GNG7: variants seen among roughly 807,000 people sequenced by gnomAD.
GNG7 encodes the protein G protein subunit gamma 7.
In GNG7, 1 loss-of-function variant was observed where a neutral mutation model predicts 4.0. The ratio of observed to expected loss-of-function variants is 0.25; its 90% CI spans 0.09 to 1.18. The LOEUF is 1.18. Among genes scored for constraint, GNG7 ranks in the 50% most tolerant of loss-of-function variants. The probability of loss-of-function intolerance (pLI) is 0.50; values close to 1 mark genes in which losing one functional copy is unlikely to be tolerated. For missense variants in GNG7, 86 were observed against 91.9 expected, an observed-to-expected ratio of 0.94 and a Z score of 0.26; for synonymous variants, 34 against 36.9, an observed-to-expected ratio of 0.92 and a Z score of 0.29.
At chr19:2,596,029 C>T (rs983390926) in intron 2 of GNG7, among the ~76,000 whole-genome samples, 42 of 152,012 alleles carry the variant, frequency 2.8e-4, no homozygotes, top group Non-Finnish European at 1.5e-4. Flanking sequence ...GGAAGCAACG[C>T]TTACGAAAAC....
chr19:2,668,204 A>C (rs1176252756), intron 1 of GNG7, among the ~76,000 whole-genome samples: 1 of 144,186 alleles, frequency 6.9e-6, no homozygotes, highest in South Asian at 2.3e-4. Flanking sequence ...AAACTATTCT[A>C]AAATGAAAAG....
intron 2 of GNG7, among the ~76,000 whole-genome samples, chr19:2,593,469 C>T (rs1160448744): frequency 7.9e-5 from 12 of 152,070 alleles, no homozygotes; most frequent in East Asian, 3.8e-4. Flanking sequence ...TAGGACTGGG[C>T]GTGGTGGCTC....
At chr19:2,612,686 ATTTTTTTTTTTTTTTGAGAAATT>A (rs1274467125) in intron 2 of GNG7, among the ~76,000 whole-genome samples, 8 of 135,902 alleles carry the variant, frequency 5.9e-5, no homozygotes, top group African/African-American at 2.3e-4. Flanking sequence ...ACAGCTTAGA[ATTTTTTTTTTTTTTTGAGAAATT>A]TTTTTTTTTT....
At chr19:2,684,849 C>T (rs1983832021) in intron 1 of GNG7, among the ~76,000 whole-genome samples, 1 of 152,124 alleles carries the variant, frequency 6.6e-6, no homozygotes, top group Admixed American at 6.5e-5. Context: ...ATTGGACGGG[C>T]GCAGTGGCTC....
intron 1 of GNG7, among the ~76,000 whole-genome samples, chr19:2,684,215 C>T (rs1189822704): frequency 3.3e-5 from 5 of 150,344 alleles, no homozygotes; most frequent in Non-Finnish European, 7.4e-5. Flanking sequence ...CGGCTCACTG[C>T]AAGCTCCTCC....
chr19:2,585,826 G>A (rs1170845858), intron 2 of GNG7, among the ~76,000 whole-genome samples: 6 of 151,868 alleles, frequency 4.0e-5, no homozygotes, highest in East Asian at 1.9e-4. Context: ...TCAGCCTCCC[G>A]AGTAGCTGGG....
Position 2,620,332 on chromosome 19 carries a change from G to A in GNG7, c.-78+25892C>T, listed in dbSNP as rs149215698. On this transcript the variant is annotated intron_variant, in intron 2 of 4. Transcript: ENST00000382159. ...CACCCTGGCTACAGGCCGTCGTCCC[G>A]ACCCCTCTCTCTGCAGGCAGGTCAC... 5.6e-4 allele frequency among the ~76,000 whole-genome samples: 84 copies of A among 150,630 alleles called. 1 individual carries two copies. Among genetic ancestry groups the A allele is most frequent in the African/African-American group, 1.8e-3 (75 of 40,832 alleles).
At chr19:2,550,476 C>T (rs1599385184) in intron 3 of GNG7, among the ~76,000 whole-genome samples, 1 of 152,212 alleles carries the variant, frequency 6.6e-6, no homozygotes, top group East Asian at 1.9e-4. Flanking sequence ...TCTCCGCCCA[C>T]CTCAGCCTCC....
At chr19:2,551,590 C>CAAATATATATATATAAATATGT (rs1568240124) in intron 3 of GNG7, among the ~76,000 whole-genome samples, 3 of 122,576 alleles carry the variant, frequency 2.4e-5, no homozygotes, top group African/African-American at 6.1e-5. Flanking sequence ...TATAAATATG[C>CAAATATATATATATAAATATGT]ATTTATAAAT....
chr19:2,552,363 C>T (rs1979358361), intron 3 of GNG7, among the ~76,000 whole-genome samples: 1 of 151,972 alleles, frequency 6.6e-6, no homozygotes, highest in Admixed American at 6.6e-5. Flanking sequence ...CCATCACCTC[C>T]AGATGGGACC....
At chr19:2,568,399 C>CAT (rs149761473) in intron 2 of GNG7, among the ~76,000 whole-genome samples, 5 of 144,098 alleles carry the variant, frequency 3.5e-5, no homozygotes, top group African/African-American at 5.4e-5. Flanking sequence ...AACACAAACA[C>CAT]ACACACATAT....
In GNG7 at chr19:2,700,434, C is replaced by A. The variant is rs1913374183; in HGVS notation, c.-135+2212G>T. ...CGGGGATTACAGGCATGAGCCACCA[C>A]AACCAGCCATGCAGGTTATTTTTTA... On this transcript the variant is annotated intron_variant, in intron 1 of 4. Transcript: ENST00000382159. 3.9e-5 allele frequency among the ~76,000 whole-genome samples: 6 copies of A among 152,330 alleles called. No homozygotes were observed. The South Asian group carries it at 1.2e-3, about 32-fold the overall frequency.
intron 1 of GNG7, among the ~76,000 whole-genome samples, chr19:2,651,118 C>T (rs1599442257): frequency 6.6e-6 from 1 of 152,152 alleles, no homozygotes; most frequent in African/African-American, 2.4e-5. Context: ...GACACAGAGG[C>T]CATGGACAGT....
At chr19:2,645,396 G>A (rs372116783) in intron 2 of GNG7, among the ~76,000 whole-genome samples, 26 of 151,682 alleles carry the variant, frequency 1.7e-4, no homozygotes, top group African/African-American at 4.8e-4. Context: ...CTGCCACCAC[G>A]CCTGGCTGAT....
chr19:2,697,373 G>A (rs945053093), intron 1 of GNG7, among the ~76,000 whole-genome samples: 8 of 152,162 alleles, frequency 5.3e-5, no homozygotes, highest in South Asian at 2.1e-4. Flanking sequence ...CAGAGAGAGC[G>A]TGGCCCACTC....
intron 2 of GNG7, among the ~76,000 whole-genome samples, chr19:2,566,318 C>T (rs962830862): frequency 6.6e-6 from 1 of 152,130 alleles, no homozygotes; most frequent in Admixed American, 6.5e-5. Flanking sequence ...GATCTCCGGC[C>T]ATCACCAGGA....
chr19:2,682,126 C>T (rs972144491), intron 1 of GNG7, among the ~76,000 whole-genome samples: 2 of 150,774 alleles, frequency 1.3e-5, no homozygotes, highest in African/African-American at 4.9e-5. Flanking sequence ...CCAGGCTGGT[C>T]TTGAACTCCT....
intron 1 of GNG7, among the ~76,000 whole-genome samples, chr19:2,659,653 G>A (rs1429953141): frequency 2.8e-5 from 4 of 143,074 alleles, no homozygotes. Context: ...AAAGAGGAAG[G>A]GAGAGGAAGA....
chr19:2,532,107 C>T lies in GNG7; in HGVS notation c.-37-11382G>A, dbSNP rs553080187. 8.7e-5 allele frequency among the ~76,000 whole-genome samples: 13 copies of T among 150,012 alleles called. 2 individuals are homozygous for T. The highest frequency in any genetic ancestry group is 2.0e-4 in the African/African-American group (8 of 40,794). On this transcript the variant is annotated intron_variant, in intron 3 of 4. Coordinates refer to ENST00000382159, the MANE Select transcript of GNG7 (RefSeq NM_052847.3). ...CGGAGCTTGCAGTGAGCTGAGATCA[C>T]GCCACTGCACTGCAGCCTGGGCAAA...
Sources: gnomAD v4.1 joint callset for allele counts (sites outside exome capture counted in the v4.1 genomes callset) on GRCh38, gnomAD v4.1.1 for gene constraint, MANE v1.5 for transcripts, NCBI Gene and HGNC (gene_info 2026-07-23, HGNC 2026-07-21) for gene names.